OLFM3: variants seen among roughly 807,000 people sequenced by gnomAD.
OLFM3 encodes the protein olfactomedin 3, also known as noelin-3.
A neutral mutation model predicts 48.6 loss-of-function variants in OLFM3; 20 were observed. That is an observed-to-expected ratio of 0.41 (90% CI 0.29 to 0.60). The LOEUF is 0.60. Ranked by LOEUF, OLFM3 falls within the 20% of genes least tolerant of loss-of-function variation. OLFM3 has a pLI of 0.28. For missense variants in OLFM3, 437 were observed against 544.3 expected (o/e 0.80, Z 1.96); for synonymous variants, 222 against 198.1 (o/e 1.12, Z -1.01).
intron 1 of OLFM3, among the ~76,000 whole-genome samples, chr1:101,872,205 T>A (rs1206733069): frequency 6.6e-6 from 1 of 152,046 alleles, no homozygotes; most frequent in Non-Finnish European, 1.5e-5. Context: ...TATATGTGCA[T>A]CAACATATTG....
At chr1:101,958,680 T>C (rs1421695656) in intron 1 of OLFM3, among the ~76,000 whole-genome samples, 2 of 152,080 alleles carry the variant, frequency 1.3e-5, no homozygotes, top group Non-Finnish European at 1.5e-5. Context: ...CTGTATAAAA[T>C]GTATGAACAT....
chr1:101,909,350 G>C (rs967692673), intron 1 of OLFM3, among the ~76,000 whole-genome samples: 1 of 152,210 alleles, frequency 6.6e-6, no homozygotes, highest in Non-Finnish European at 1.5e-5. Flanking sequence ...GTAATTATTT[G>C]ATTCTATAAA....
intron 1 of OLFM3, among the ~76,000 whole-genome samples, chr1:101,869,611 A>G (rs1656995449): frequency 6.6e-6 from 1 of 152,114 alleles, no homozygotes; most frequent in South Asian, 2.1e-4. Context: ...AGTACATGAA[A>G]TTTGGGAGGG....
chr1:101,872,981 C>T (rs17125628), intron 1 of OLFM3, among the ~76,000 whole-genome samples: 1,724 of 151,840 alleles, frequency 0.011, 30 homozygotes, highest in African/African-American at 0.038. Flanking sequence ...CATTTAAAAG[C>T]GGACATCAGC....
chr1:101,944,047 T>TTTATA, intron 1 of OLFM3, among the ~76,000 whole-genome samples: 1 of 149,400 alleles, frequency 6.7e-6, no homozygotes, highest in South Asian at 2.1e-4. Flanking sequence ...GTATATATTT[T>TTTATA]TATATATATA....
intron 1 of OLFM3, among the ~76,000 whole-genome samples, chr1:101,965,120 T>C (rs1394576024): frequency 6.6e-6 from 1 of 152,114 alleles, no homozygotes; most frequent in Non-Finnish European, 1.5e-5. Flanking sequence ...GTTTAAAGGG[T>C]ACTAAAGGAC....
chr1:101,977,827 C>T (rs1660996792), intron 1 of OLFM3, among the ~76,000 whole-genome samples: 1 of 151,814 alleles, frequency 6.6e-6, no homozygotes, highest in Admixed American at 6.6e-5. Context: ...CACTTTAACA[C>T]CATTGCTTCA....
intron 1 of OLFM3, among the ~76,000 whole-genome samples, chr1:101,904,961 G>T (rs1003812037): frequency 1.1e-4 from 17 of 152,216 alleles, no homozygotes; most frequent in African/African-American, 4.1e-4. Flanking sequence ...GTAGAAAGTG[G>T]TAAGGCCTGA....
Position 101,950,695 on chromosome 1 carries a change from C to T in OLFM3, c.69+46053G>A, listed in dbSNP as rs577682656. On this transcript the variant is annotated intron_variant, in intron 1 of 5. Transcript: ENST00000370103. Reference sequence around the variant, plus strand: ...TCCTGACCTCGTGATCCACCCGCCTCGGCCTCCCAAAGTGCTGGGATTACA... The same window carrying T: ...TCCTGACCTCGTGATCCACCCGCCTTGGCCTCCCAAAGTGCTGGGATTACA... Among the ~76,000 whole-genome samples the T allele has an allele frequency of 1.2e-4, 18 of 152,186 alleles. No homozygotes were observed. In the South Asian group the frequency reaches 1.5e-3, roughly 12 times the overall value.
chr1:101,855,074 T>C (rs548304745), intron 1 of OLFM3, among the ~76,000 whole-genome samples: 12 of 152,210 alleles, frequency 7.9e-5, no homozygotes, highest in African/African-American at 2.9e-4. Flanking sequence ...ATTAACAATA[T>C]AAAATTTATC....
At chr1:101,957,060 A>G (rs1451620051) in intron 1 of OLFM3, among the ~76,000 whole-genome samples, 1 of 151,966 alleles carries the variant, frequency 6.6e-6, no homozygotes, top group African/African-American at 2.4e-5. Context: ...GAGAATCATC[A>G]GAGAAAAACT....
intron 1 of OLFM3, among the ~76,000 whole-genome samples, chr1:101,948,632 C>T (rs1355870076): frequency 6.6e-6 from 1 of 151,940 alleles, no homozygotes; most frequent in East Asian, 1.9e-4. Context: ...AAATTTTTGT[C>T]TAAATAAGTC....
intron 1 of OLFM3, among the ~76,000 whole-genome samples, chr1:101,972,698 A>G (rs2339201): frequency 0.25 from 37,731 of 152,152 alleles, 5,248 homozygotes; most frequent in Middle Eastern, 0.36. Flanking sequence ...AAGATTCACA[A>G]CTATAAGAAA....
chr1:101,884,249 A>T (rs576301609), intron 1 of OLFM3, among the ~76,000 whole-genome samples: 49 of 152,132 alleles, frequency 3.2e-4, no homozygotes, highest in African/African-American at 1.1e-3. Flanking sequence ...TGAGAATTTA[A>T]AGTAATACGA....
intron 1 of OLFM3, among the ~76,000 whole-genome samples, chr1:101,991,439 C>T (rs978669100): frequency 2.0e-4 from 30 of 151,922 alleles, no homozygotes; most frequent in Middle Eastern, 3.2e-3. Context: ...TATCCAGTCT[C>T]GCTTTTTTCT....
rs143695338 is a variant in OLFM3, at chr1:101,849,778, G to A, written c.70-12753C>T. 2.0e-3 allele frequency among the ~76,000 whole-genome samples: 299 copies of A among 152,302 alleles called. 1 individual carries two copies. Among genetic ancestry groups the A allele is most frequent in the Admixed American group, 5.8e-3 (88 of 15,300 alleles). On this transcript the variant is annotated intron_variant, in intron 1 of 5. Coordinates refer to ENST00000370103, the MANE Select transcript of OLFM3 (RefSeq NM_058170.4). ...TCCTTAGTGACTGAATAAATGTGAC[G>A]CAGTGGAAATTACCTGGGAGAACGT...
chr1:101,863,211 G>A (rs1460346350), intron 1 of OLFM3, among the ~76,000 whole-genome samples: 5 of 152,064 alleles, frequency 3.3e-5, no homozygotes, highest in African/African-American at 1.2e-4. Flanking sequence ...CACCTGCCTT[G>A]GATCCGCCTG....
At chr1:101,983,101 C>A (rs1239408734) in intron 1 of OLFM3, among the ~76,000 whole-genome samples, 3 of 152,144 alleles carry the variant, frequency 2.0e-5, no homozygotes, top group Non-Finnish European at 4.4e-5. Context: ...ATATTTTTAT[C>A]ATTTTAATAC....
At chr1:101,974,140 G>T (rs1273553799) in intron 1 of OLFM3, among the ~76,000 whole-genome samples, 1 of 149,774 alleles carries the variant, frequency 6.7e-6, no homozygotes, top group Admixed American at 6.7e-5. Flanking sequence ...AAATTTAGTG[G>T]CTGGATCACG....
Sources: gnomAD v4.1 joint callset for allele counts (sites outside exome capture counted in the v4.1 genomes callset) on GRCh38, gnomAD v4.1.1 for gene constraint, MANE v1.5 for transcripts, NCBI Gene and HGNC (gene_info 2026-07-23, HGNC 2026-07-21) for gene names.